ZCCHC10: variants seen among roughly 807,000 people sequenced by gnomAD.
ZCCHC10 encodes zinc finger CCHC domain-containing protein 10.
In ZCCHC10, 16 loss-of-function variants were observed where a neutral mutation model predicts 19.5. The ratio of observed to expected loss-of-function variants is 0.82; its 90% confidence interval spans 0.56 to 1.25. ZCCHC10 has a LOEUF of 1.25. Ranked by LOEUF, ZCCHC10 falls within the 50% of genes most tolerant of loss-of-function variation. ZCCHC10 has a pLI of 0.00. For missense variants in ZCCHC10, 197 were observed against 201.0 expected (o/e 0.98, Z 0.12); for synonymous variants, 67 against 72.5 (o/e 0.92, Z 0.38).
Position 133,026,521 on chromosome 5 carries a change from T to C in ZCCHC10, c.17A>G (p.His6Arg). 4 of 1,613,746 alleles carry C rather than the reference T, an allele frequency of 2.5e-6. No individual in the cohort carries two copies. Among genetic ancestry groups the C allele is most frequent in the South Asian group, 2.2e-5 (2 of 90,974 alleles). The change falls in exon 1 of 5, where the codon CAT becomes CGT. Residue 6 changes from histidine (H) to arginine (R), a missense_variant. Coordinates refer to ENST00000509437, the MANE Select transcript of ZCCHC10 (RefSeq NM_001300816.3). MATPMHRLIARRQAFD... is the reference protein window; with the variant it reads MATPMRRLIARRQAFD... ...CGCTTGTCTCCGGGCTATTAGCCGA[T>C]GCATGGGAGTCGCCATCTTAGCGCG...
At chr5:133,015,747 G>A (rs904912569) in intron 2 of ZCCHC10, among the ~76,000 whole-genome samples, 4 of 135,046 alleles carry the variant, frequency 3.0e-5, no homozygotes, top group Admixed American at 1.4e-4. Flanking sequence ...AGAACCACTC[G>A]CCTAGGTCAC....
At chr5:133,003,076 G>A (rs893662809) in intron 3 of ZCCHC10, 9 of 267,978 alleles carry the variant, frequency 3.4e-5, no homozygotes, top group Non-Finnish European at 5.2e-5. Flanking sequence ...CTGGTGGCTA[G>A]GCTGGTTGTC....
In ZCCHC10 at chr5:132,998,361, A is replaced by G. The variant is rs1762549671; in HGVS notation, c.*222T>C. The G allele has an allele frequency of 2.2e-6, 1 of 451,502 alleles. No homozygotes were observed. The highest frequency in any genetic ancestry group is 2.0e-5 in the African/African-American group (1 of 50,680). 28.0% of individuals were successfully genotyped at this position (451,502 alleles called of 1,614,324 possible). ...TTTCAGCTTTAAGTTCTAGAGATAT[A>G]TTTTAAAGATAAAAAAAACAAGATT... On this transcript the variant is annotated 3_prime_UTR_variant, in exon 5 of 5. Coordinates refer to ENST00000509437, the MANE Select transcript of ZCCHC10 (RefSeq NM_001300816.3).
At position 133,011,176 on chromosome 5, in the gene ZCCHC10, TC is replaced by T. The variant is rs1358391623; in HGVS notation, c.108-4257del. Among the ~76,000 whole-genome samples the T allele has an allele frequency of 2.0e-5, 3 of 152,010 alleles. No homozygotes were observed. In the East Asian group the frequency reaches 5.8e-4, roughly 29 times the overall value. Reference sequence around the variant, plus strand: ...TAAGTTGCCCCGGCTGGTCTTGAACTCCTGGGCTCAAGCAATCCTCCTGCTT... The same window carrying T: ...TAAGTTGCCCCGGCTGGTCTTGAACTCTGGGCTCAAGCAATCCTCCTGCTT... On this transcript the variant is annotated intron_variant, in intron 2 of 4. Transcript: ENST00000509437.
intron 3 of ZCCHC10, among the ~76,000 whole-genome samples, chr5:133,006,489 A>C (rs1763126952): frequency 6.6e-6 from 1 of 152,178 alleles, no homozygotes; most frequent in South Asian, 2.1e-4. Flanking sequence ...TATGACAATG[A>C]GTAAGTTATT....
chr5:133,015,746 C>G (rs1007958619), intron 2 of ZCCHC10, among the ~76,000 whole-genome samples: 3 of 135,300 alleles, frequency 2.2e-5, no homozygotes, highest in Non-Finnish European at 3.1e-5. Context: ...CAGAACCACT[C>G]GCCTAGGTCA....
intron 3 of ZCCHC10, among the ~76,000 whole-genome samples, chr5:133,003,944 G>A (rs928399972): frequency 3.3e-5 from 5 of 151,102 alleles, no homozygotes; most frequent in Admixed American, 3.3e-4. Flanking sequence ...TCCTGACCTC[G>A]AGTGATCCAC....
At chr5:133,010,049 A>ATT (rs770318980) in intron 2 of ZCCHC10, among the ~76,000 whole-genome samples, 10 of 138,520 alleles carry the variant, frequency 7.2e-5, no homozygotes, top group Admixed American at 7.4e-5. Flanking sequence ...TGGGTCAGCA[A>ATT]TTTTTTTTTT....
At chr5:133,025,227 G>A (rs1764593156) in intron 1 of ZCCHC10, among the ~76,000 whole-genome samples, 1 of 152,120 alleles carries the variant, frequency 6.6e-6, no homozygotes, top group African/African-American at 2.4e-5. Flanking sequence ...AGGGGTTGCC[G>A]CGCGCGGTAG....
intron 3 of ZCCHC10, among the ~76,000 whole-genome samples, chr5:133,004,311 A>T (rs1439634314): frequency 6.6e-6 from 1 of 151,276 alleles, no homozygotes; most frequent in African/African-American, 2.4e-5. Flanking sequence ...AGCAGCTGGG[A>T]TTATGGGCAT....
At chr5:133,023,317 C>T (rs916456338) in intron 1 of ZCCHC10, among the ~76,000 whole-genome samples, 1 of 152,050 alleles carries the variant, frequency 6.6e-6, no homozygotes, top group Non-Finnish European at 1.5e-5. Flanking sequence ...GATGTAAGTA[C>T]AGTTTACAAG....
Position 132,998,846 on chromosome 5 carries a change from T to C in ZCCHC10, c.316A>G (p.Lys106Glu), listed in dbSNP as rs1279092864. The C allele has an allele frequency of 6.2e-7, 1 of 1,613,808 alleles. No individual in the cohort carries two copies. Among genetic ancestry groups the C allele is most frequent in the Non-Finnish European group, 8.5e-7 (1 of 1,179,890 alleles). The part of the protein sequence containing the change: ...VERKAKKKRS[K>E]SVTSSSSSSS... ...CTGCTACTGGAACTGGTTACACTCT[T>C]AGACCTATTAGACAATACAGAGTTA... Residue 106 changes from lysine to glutamate, a missense_variant, in exon 5 of 5, where the codon AAG (lysine) becomes GAG (glutamate). By Grantham distance (56) the Lys-to-Glu change is moderately conservative. Coordinates refer to ENST00000509437, the MANE Select transcript of ZCCHC10 (RefSeq NM_001300816.3).
At chr5:133,012,118 C>CA (rs1318745672) in intron 2 of ZCCHC10, among the ~76,000 whole-genome samples, 2 of 115,744 alleles carry the variant, frequency 1.7e-5, no homozygotes, top group Non-Finnish European at 3.2e-5. Context: ...GCCTGAGCGA[C>CA]AGAGTGAGCC....
chr5:133,012,449 C>T (rs185239961), intron 2 of ZCCHC10, among the ~76,000 whole-genome samples: 25 of 144,558 alleles, frequency 1.7e-4, no homozygotes, highest in African/African-American at 6.0e-4. Flanking sequence ...GCCTAGGCAA[C>T]AGAGTGAGAC....
chr5:133,001,439 CTAT>C (rs1762769462), intron 3 of ZCCHC10, among the ~76,000 whole-genome samples: 2 of 151,862 alleles, frequency 1.3e-5, no homozygotes. Flanking sequence ...ACAATTAATT[CTAT>C]CACCACTGTC....
At chr5:133,025,503 C>CAAAAAAAAAAAA (rs74843776) in intron 1 of ZCCHC10, among the ~76,000 whole-genome samples, 16 of 18,674 alleles carry the variant, frequency 8.6e-4, no homozygotes, top group African/African-American at 2.1e-3. Context: ...GACTCCGCCT[C>CAAAAAAAAAAAA]AAAAAAAAAA....
chr5:133,026,514 T>A lies in ZCCHC10; in HGVS notation c.24A>T (p.Leu8=), dbSNP rs1279567556. 6.2e-7 allele frequency: 1 copy of A among 1,613,678 alleles called. No homozygotes were observed. The highest frequency in any genetic ancestry group is 1.3e-5 in the African/African-American group (1 of 74,878). Residue 8 remains leucine, a synonymous_variant, in exon 1 of 5, where the codon CTA becomes CTT. Transcript: ENST00000509437. ...TTACTTACGCTTGTCTCCGGGCTAT[T>A]AGCCGATGCATGGGAGTCGCCATCT... is the stretch of plus-strand genomic sequence containing the variant. The part of the protein sequence containing the change: MATPMHR[L]IARRQAFDTE...
rs180815555 is a variant in ZCCHC10 at position 133,013,592 on chromosome 5, C to T, written c.108-6672G>A. 6.5e-3 allele frequency among the ~76,000 whole-genome samples: 987 copies of T among 151,856 alleles called. 18 individuals carry two copies. The highest frequency in any genetic ancestry group is 0.01 in the Non-Finnish European group (708 of 67,944). On this transcript the variant is annotated intron_variant, in intron 2 of 4. Transcript: ENST00000509437. ...CAAAAATTAGCTGGGCATGGTGGTG[C>T]GCGCCTGTAGTCCCACCTACTTGGG...
At chr5:133,011,309 G>T (rs1300983490) in intron 2 of ZCCHC10, 2 of 151,542 alleles carry the variant, frequency 1.3e-5, no homozygotes, top group African/African-American at 4.8e-5. Flanking sequence ...ACAGAGAAAA[G>T]AAGTGTGAGA....
Sources: allele counts gnomAD v4.1 joint callset (sites outside exome capture counted in the v4.1 genomes callset), GRCh38; gene constraint gnomAD v4.1.1; transcripts MANE v1.5; gene names NCBI Gene and HGNC (gene_info 2026-07-23, HGNC 2026-07-21).